The following CEPT1 variants were observed in gnomAD, a reference collection of about 807,000 sequenced individuals.
CEPT1 encodes the protein choline/ethanolaminephosphotransferase 1.
In CEPT1, 7 loss-of-function variants were observed where a neutral mutation model predicts 42.6. That is an observed-to-expected ratio of 0.16 (90% CI 0.09 to 0.31). The LOEUF is 0.31. Ranked by LOEUF, CEPT1 falls within the 10% of genes least tolerant of loss-of-function variation. The pLI is 1.00. For missense variants in CEPT1, 306 were observed against 502.1 expected, an observed-to-expected ratio of 0.61 and a Z score of 3.73; for synonymous variants, 171 against 171.9, an observed-to-expected ratio of 0.99 and a Z score of 0.04.
chr1:111,139,514 A>T (rs1049951388), upstream of CEPT1: 2 of 152,236 alleles, frequency 1.3e-5, no homozygotes, highest in Non-Finnish European at 2.9e-5. Flanking sequence ...AGGAACGTGT[A>T]CTCAACAGGA....
intron 2 of CEPT1, among the ~76,000 whole-genome samples, chr1:111,150,064 A>G (rs1655186540): frequency 6.6e-6 from 1 of 152,238 alleles, no homozygotes; most frequent in South Asian, 2.1e-4. Context: ...GAATCAGAAT[A>G]TGACTGAGCT....
intron 4 of CEPT1, chr1:111,167,334 A>C (rs1029159297): frequency 1.0e-6 from 1 of 959,738 alleles, no homozygotes; most frequent in African/African-American, 1.8e-5. Context: ...ATTAGAAAAC[A>C]TAATTTTAAT....
chr1:111,152,785 T>C (rs886164983), intron 2 of CEPT1, among the ~76,000 whole-genome samples: 1 of 152,128 alleles, frequency 6.6e-6, no homozygotes, highest in African/African-American at 2.4e-5. Flanking sequence ...TTTGAAATAG[T>C]AATAAAACTC....
chr1:111,182,528 A>G (rs1393171134), intron 6 of CEPT1: 2 of 589,298 alleles, frequency 3.4e-6, no homozygotes, highest in Non-Finnish European at 5.8e-6. Flanking sequence ...ATACACACAC[A>G]CAAACACACT....
At chr1:111,154,994 G>A (rs535703325) in intron 2 of CEPT1, among the ~76,000 whole-genome samples, 3 of 152,240 alleles carry the variant, frequency 2.0e-5, no homozygotes, top group South Asian at 2.1e-4. Flanking sequence ...GGTAATGCTG[G>A]TTTCGTAGAA....
At chr1:111,167,633 A>T in intron 4 of CEPT1, 1 of 979,494 alleles carries the variant, frequency 1.0e-6, no homozygotes, top group South Asian at 4.7e-5. Context: ...TCTTTAGCAT[A>T]TACTTTAAGC....
At chr1:111,170,408 T>G (rs1261392548) in intron 4 of CEPT1, among the ~76,000 whole-genome samples, 1 of 152,176 alleles carries the variant, frequency 6.6e-6, no homozygotes, top group Non-Finnish European at 1.5e-5. Flanking sequence ...ATAATTAAGC[T>G]TAATTTCAAA....
chr1:111,156,624 C>T (rs1655588492), intron 2 of CEPT1, among the ~76,000 whole-genome samples: 1 of 152,184 alleles, frequency 6.6e-6, no homozygotes, highest in Non-Finnish European at 1.5e-5. Flanking sequence ...TGTTGGGCTG[C>T]ATTCAGAGCT....
chr1:111,184,075 A>G, intron 8 of CEPT1, 116 bp from the exon 9 acceptor site: 1 of 1,062,982 alleles, frequency 9.4e-7, no homozygotes, highest in East Asian at 2.5e-5. Flanking sequence ...AGGAAATTGA[A>G]TTATTTTATG....
chr1:111,181,953 T>G (rs1173419145), intron 5 of CEPT1: 2 of 279,540 alleles, frequency 7.2e-6, no homozygotes, highest in Non-Finnish European at 1.3e-5. Context: ...TGAATCTGGT[T>G]TTTTTGTTTT....
Position 111,147,823 on chromosome 1 carries a change from C to G in CEPT1, c.109C>G (p.Gln37Glu). Residue 37 changes from glutamine (Q) to glutamate (E), a missense_variant, in exon 2 of 9, where the codon CAG (glutamine) becomes GAG (glutamate). This residue lies in a region of CEPT1 where 53 missense variants were observed against 54.8 expected (regional missense o/e 0.97). Transcript: ENST00000357172. ...TTGCVLNKLF[Q>E]LPTPPLSRHQ... Reference sequence around the variant, plus strand: ...AGGATGTGTATTAAATAAATTGTTTCAGTTACCAACACCACCATTGTCAAG... The same window carrying G: ...AGGATGTGTATTAAATAAATTGTTTGAGTTACCAACACCACCATTGTCAAG... 6.2e-7 allele frequency: 1 copy of G among 1,614,092 alleles called. No individual in the cohort carries two copies. Among genetic ancestry groups the G allele is most frequent in the Non-Finnish European group, 8.5e-7 (1 of 1,180,000 alleles).
intron 2 of CEPT1, among the ~76,000 whole-genome samples, chr1:111,155,726 T>C (rs325927): frequency 0.7 from 106,324 of 151,888 alleles, 37,763 homozygotes; most frequent in African/African-American, 0.82. Flanking sequence ...TTAGTAGAGA[T>C]GGGGTTTCAT....
chr1:111,148,360 A>G (rs17026972), intron 2 of CEPT1, among the ~76,000 whole-genome samples: 4,584 of 151,122 alleles, frequency 0.03, 95 homozygotes, highest in South Asian at 0.076. Flanking sequence ...TTTAAATGGT[A>G]GAATAAAGTC....
intron 2 of CEPT1, among the ~76,000 whole-genome samples, chr1:111,158,473 C>G (rs1655690458): frequency 6.6e-6 from 1 of 152,168 alleles, no homozygotes; most frequent in African/African-American, 2.4e-5. Flanking sequence ...TCTGAACACT[C>G]TATGCACTGG....
intron 2 of CEPT1, among the ~76,000 whole-genome samples, chr1:111,158,963 G>A (rs1472358127): frequency 7.7e-6 from 1 of 130,220 alleles, no homozygotes; most frequent in Non-Finnish European, 1.6e-5. Context: ...GCCCAGGCTG[G>A]AGTGCAGTGG....
chr1:111,175,891 C>T (rs1656653722), intron 5 of CEPT1, among the ~76,000 whole-genome samples: 1 of 152,108 alleles, frequency 6.6e-6, no homozygotes, highest in South Asian at 2.1e-4. Flanking sequence ...TTGGTGAAAT[C>T]TTAACAAAGA....
intron 4 of CEPT1, among the ~76,000 whole-genome samples, chr1:111,172,229 C>T (rs1656454975): frequency 6.6e-6 from 1 of 152,134 alleles, no homozygotes; most frequent in African/African-American, 2.4e-5. Flanking sequence ...TCTTTGACCA[C>T]ATACCCCATG....
At position 111,182,297 on chromosome 1, in the gene CEPT1, C is replaced by T. The variant is rs1302103554; in HGVS notation, c.825C>T (p.Gly275=). ...YFRVIFTGGV[G]KNGSTIAGTS... The stretch of plus-strand genomic sequence containing the variant: ...GTGTAATCTTCACAGGTGGTGTTGG[C>T]AAAAATGGATCAACAATAGCAGTAA... The change falls in exon 6 of 9, where the codon GGC becomes GGT. Residue 275 remains glycine, a synonymous_variant. Coordinates refer to ENST00000357172, the MANE Select transcript of CEPT1 (RefSeq NM_006090.5). 6.2e-7 allele frequency: 1 copy of T among 1,612,504 alleles called. No homozygotes were observed. The highest frequency in any genetic ancestry group is 1.7e-5 in the Admixed American group (1 of 59,868).
intron 5 of CEPT1, among the ~76,000 whole-genome samples, chr1:111,177,181 G>C (rs1017650608): frequency 2.6e-5 from 4 of 152,210 alleles, no homozygotes; most frequent in African/African-American, 9.7e-5. Flanking sequence ...GGGAGAACCT[G>C]TTGTTGGAAT....
Sources: allele counts gnomAD v4.1 joint callset (sites outside exome capture counted in the v4.1 genomes callset), GRCh38; gene constraint gnomAD v4.1.1; regional missense constraint gnomAD v4.1.1; transcripts MANE v1.5; gene names NCBI Gene and HGNC (gene_info 2026-07-23, HGNC 2026-07-21).